The following MTMR12 variants were observed in gnomAD, a reference collection of about 807,000 sequenced individuals.
The protein encoded by MTMR12 is myotubularin-related protein 12.
In MTMR12, 33 loss-of-function variants were observed where a neutral mutation model predicts 96.7. That is an observed-to-expected ratio of 0.34 (90% CI 0.26 to 0.46). The LOEUF is 0.46. Ranked by LOEUF, MTMR12 falls within the 20% of genes least tolerant of loss-of-function variation. MTMR12 has a pLI of 1.00. For missense variants in MTMR12, 721 were observed against 896.1 expected (o/e 0.80, Z 2.49); for synonymous variants, 298 against 327.2 (o/e 0.91, Z 0.96).
intron 8 of MTMR12, among the ~76,000 whole-genome samples, chr5:32,254,081 A>T (rs905325033): frequency 6.6e-6 from 1 of 152,228 alleles, no homozygotes; most frequent in Non-Finnish European, 1.5e-5. Flanking sequence ...ACATATGTGA[A>T]CAGTTCACCT....
intron 13 of MTMR12, among the ~76,000 whole-genome samples, chr5:32,235,799 A>G (rs970196246): frequency 1.3e-5 from 2 of 152,246 alleles, no homozygotes; most frequent in African/African-American, 4.8e-5. Context: ...CTTGATGAGC[A>G]GGGAGAGTAG....
intron 7 of MTMR12, chr5:32,255,998 A>G: frequency 2.9e-6 from 1 of 346,532 alleles, no homozygotes; most frequent in Non-Finnish European, 5.3e-6. Flanking sequence ...GCAATTCTGT[A>G]CAACCCCAGG....
chr5:32,248,057 C>T lies in MTMR12; in HGVS notation c.966G>A (p.Leu322=), dbSNP rs771587727. 6.8e-6 allele frequency: 11 copies of T among 1,613,990 alleles called. No homozygotes were observed. Among genetic ancestry groups the T allele is most frequent in the Non-Finnish European group, 9.3e-6 (11 of 1,179,878 alleles). Residue 322 remains leucine, a synonymous_variant, in exon 10 of 16, where the codon CTG becomes CTA. Coordinates refer to ENST00000382142, the MANE Select transcript of MTMR12 (RefSeq NM_001040446.3). ...VKTEDLSSNF[L]SLQEIQTAYS... is the part of the protein sequence containing the mutation. ...ATGCAGTCTGGATTTCCTGCAGGGACAGGAAGTTGCTTGACAGGTCTTCCG... is the reference window on the plus strand; with the variant it reads ...ATGCAGTCTGGATTTCCTGCAGGGATAGGAAGTTGCTTGACAGGTCTTCCG...
chr5:32,267,224 A>C (rs1581616881), intron 6 of MTMR12, among the ~76,000 whole-genome samples: 1 of 151,966 alleles, frequency 6.6e-6, no homozygotes, highest in East Asian at 1.9e-4. Context: ...AAAAATACAA[A>C]AATTAGCCGG....
At chr5:32,288,382 T>C (rs1750622710) in intron 1 of MTMR12, among the ~76,000 whole-genome samples, 1 of 152,142 alleles carries the variant, frequency 6.6e-6, no homozygotes, top group Admixed American at 6.5e-5. Flanking sequence ...GCAACACTGA[T>C]GGCCTCCCCT....
At chr5:32,259,308 C>T (rs935508995) in intron 7 of MTMR12, among the ~76,000 whole-genome samples, 1 of 152,198 alleles carries the variant, frequency 6.6e-6, no homozygotes, top group East Asian at 1.9e-4. Context: ...GGCCACATAC[C>T]ATCCTATGCG....
chr5:32,310,738 C>T (rs1751549263), intron 1 of MTMR12, among the ~76,000 whole-genome samples: 1 of 151,936 alleles, frequency 6.6e-6, no homozygotes, highest in Admixed American at 6.6e-5. Context: ...AACAGGGTGA[C>T]TACAGTCAAC....
Position 32,270,813 on chromosome 5 carries a change from T to A in MTMR12, c.489+4A>T. 4 of 1,603,680 alleles carry A rather than the reference T, an allele frequency of 2.5e-6. No individual in the cohort carries two copies. The highest frequency in any genetic ancestry group is 1.7e-4 in the Middle Eastern group (1 of 6,004). On this transcript the variant is annotated splice_donor_region_variant and intron_variant, in intron 5 of 15. Coordinates refer to ENST00000382142, the MANE Select transcript of MTMR12 (RefSeq NM_001040446.3). ...AAAACCTAAAAACACATGCAACTAG[T>A]TACCCTTTTGACTTCCTCTTCCTTT... is the stretch of plus-strand genomic sequence containing the variant.
chr5:32,245,328 G>A (rs750897049), intron 10 of MTMR12, among the ~76,000 whole-genome samples: 47 of 152,056 alleles, frequency 3.1e-4, no homozygotes, highest in Non-Finnish European at 5.7e-4. Flanking sequence ...GAGCTACTAC[G>A]CCCAGCCCCC....
chr5:32,232,224 C>T (rs1202826154), intron 15 of MTMR12, among the ~76,000 whole-genome samples: 1 of 152,244 alleles, frequency 6.6e-6, no homozygotes, highest in Non-Finnish European at 1.5e-5. Context: ...GCCCCTGCTT[C>T]CTCAGAGTCT....
At chr5:32,258,042 G>T (rs997324840) in intron 7 of MTMR12, among the ~76,000 whole-genome samples, 1 of 151,984 alleles carries the variant, frequency 6.6e-6, no homozygotes, top group Non-Finnish European at 1.5e-5. Context: ...TGGAAGAATC[G>T]CTTGAGCCCA....
chr5:32,270,932 T>G lies in MTMR12; in HGVS notation c.374A>C (p.Lys125Thr), dbSNP rs1302825543. 6.2e-7 allele frequency: 1 copy of G among 1,613,528 alleles called. No individual in the cohort carries two copies. Residue 125 changes from lysine to threonine, a missense_variant, in exon 5 of 16, where the codon AAG becomes ACG. Coordinates refer to ENST00000382142, the MANE Select transcript of MTMR12 (RefSeq NM_001040446.3). ...DQIYGVFDEKKKTLFGQLKKY... is the reference protein window; with the variant it reads ...DQIYGVFDEKTKTLFGQLKKY... Reference sequence around the variant, plus strand: ...CTTCAGTTGTCCAAAGAGAGTTTTCTTTTTCTCATCAAACACTACAGATCA... The same window carrying G: ...CTTCAGTTGTCCAAAGAGAGTTTTCGTTTTCTCATCAAACACTACAGATCA...
At chr5:32,248,580 G>A (rs571234622) in intron 9 of MTMR12, among the ~76,000 whole-genome samples, 192 bp downstream of exon 9, 7 of 152,168 alleles carry the variant, frequency 4.6e-5, no homozygotes, top group South Asian at 2.1e-4. Flanking sequence ...TAAAAACGAC[G>A]CAGGTGACAC....
At chr5:32,268,564 T>A in intron 6 of MTMR12, 137 bp downstream of exon 6, 1 of 528,968 alleles carries the variant, frequency 1.9e-6, no homozygotes, top group African/African-American at 1.9e-5. Flanking sequence ...AATGAATCAC[T>A]CAAGCAAGGG....
At position 32,272,322 on chromosome 5, in the gene MTMR12, T is replaced by C. The variant is rs542159030; in HGVS notation, c.286-417A>G. On this transcript the variant is annotated intron_variant, in intron 3 of 15. Transcript: ENST00000382142. ...AAATAAATAAATAAATAAAAATAAA[T>C]GGGGAAATGCAGCGACATTCCTAAA... Among the ~76,000 whole-genome samples the C allele has an allele frequency of 1.6e-4, 24 of 151,768 alleles. No homozygotes were observed. The East Asian group carries it at 4.6e-3, about 29-fold the overall frequency.
rs767625213 is a variant in MTMR12, at chr5:32,248,840, C to T, written c.828G>A (p.Leu276=). 1 of 1,614,122 alleles carries T rather than the reference C, an allele frequency of 6.2e-7. No homozygotes were observed. The highest frequency in any genetic ancestry group is 1.1e-5 in the South Asian group (1 of 91,084). The stretch of plus-strand genomic sequence containing the variant: ...GTTCTTTGGGCAGTGCTGACATTTT[C>T]AAAAGGGCACTTCCATTGTGGCAGG... ...CWSCHNGSAL[L]KMSALPKEQD... The change falls in exon 9 of 16, where the codon TTG becomes TTA. Residue 276 remains leucine, a synonymous_variant. Transcript: ENST00000382142.
intron 7 of MTMR12, among the ~76,000 whole-genome samples, chr5:32,258,794 G>C (rs1749238683): frequency 6.6e-6 from 1 of 151,544 alleles, no homozygotes; most frequent in South Asian, 2.1e-4. Flanking sequence ...TATAAAGCTG[G>C]ACTGGGGCCC....
At chr5:32,230,421 A>C in intron 15 of MTMR12, 74 bp from the exon 16 acceptor site, 1 of 1,368,304 alleles carries the variant, frequency 7.3e-7, no homozygotes, top group South Asian at 1.4e-5. Flanking sequence ...CCATAACAAA[A>C]AGAGCATAAC....
chr5:32,280,852 C>G (rs1474704783), intron 1 of MTMR12, among the ~76,000 whole-genome samples: 1 of 152,128 alleles, frequency 6.6e-6, no homozygotes, highest in Non-Finnish European at 1.5e-5. Context: ...TTCGGTGACA[C>G]AGGTACTTGG....
Sources: gnomAD v4.1 joint callset for allele counts (sites outside exome capture counted in the v4.1 genomes callset) on GRCh38, gnomAD v4.1.1 for gene constraint, MANE v1.5 for transcripts, NCBI Gene and HGNC (gene_info 2026-07-23, HGNC 2026-07-21) for gene names.